The following TOP2B variants were observed in gnomAD, a reference collection of about 807,000 sequenced individuals.
The protein encoded by TOP2B is DNA topoisomerase II beta.
In TOP2B, 51 loss-of-function variants were observed where a neutral mutation model predicts 193.5. The observed-to-expected ratio is 0.26, with a 90% CI of 0.21 to 0.33. The LOEUF is 0.33. TOP2B is among the 10% of genes least tolerant of loss of function. The pLI, the probability that TOP2B is intolerant of heterozygous loss-of-function variation, is 1.00. For synonymous variants in TOP2B, 634 were observed against 635.7 expected (o/e 1.00, Z 0.04); for missense variants, 1,378 against 1,909.3 (o/e 0.72, Z 5.19).
chr3:25,662,916 T>G (rs1703959191), intron 1 of TOP2B, among the ~76,000 whole-genome samples: 1 of 152,216 alleles, frequency 6.6e-6, no homozygotes, highest in African/African-American at 2.4e-5. Flanking sequence ...CTGAAAGTCA[T>G]TATTTTGCAT....
At chr3:25,645,495 TTAAA>T in intron 1 of TOP2B, 25 bp from the exon 2 acceptor site, 1 of 1,564,336 alleles carries the variant, frequency 6.4e-7, no homozygotes. Context: ...AAAATCAAAT[TTAAA>T]TAACCTACCA....
intron 34 of TOP2B, 29 bp from the exon 35 acceptor site, chr3:25,599,558 C>T (rs964834073): frequency 6.3e-7 from 1 of 1,587,598 alleles, no homozygotes; most frequent in East Asian, 2.2e-5. Flanking sequence ...GTTTTTTCTT[C>T]CGTGGTTAAG....
At chr3:25,638,583 T>A (rs1452085640) in intron 4 of TOP2B, among the ~76,000 whole-genome samples, 1 of 151,854 alleles carries the variant, frequency 6.6e-6, no homozygotes, top group Admixed American at 6.6e-5. Context: ...CTTAAACATC[T>A]CAGGATGACA....
chr3:25,660,250 C>A (rs1474643183), intron 1 of TOP2B, among the ~76,000 whole-genome samples: 2 of 152,176 alleles, frequency 1.3e-5, no homozygotes, highest in Non-Finnish European at 2.9e-5. Context: ...TGTCAATTAT[C>A]CAATTTTTAA....
chr3:25,619,830 A>T (rs1361498618), intron 23 of TOP2B, 32 bp downstream of exon 23: 1 of 1,485,900 alleles, frequency 6.7e-7, no homozygotes, highest in South Asian at 1.1e-5. Context: ...CATGCAAGAA[A>T]GATTAAATTA....
chr3:25,609,758 T>C, intron 28 of TOP2B, 46 bp from the exon 29 acceptor site: 1 of 1,422,848 alleles, frequency 7.0e-7, no homozygotes, highest in Non-Finnish European at 9.2e-7. Context: ...AATAAAAACA[T>C]CACATATTTT....
chr3:25,643,624 G>A, intron 3 of TOP2B, 70 bp downstream of exon 3: 1 of 1,171,038 alleles, frequency 8.5e-7, no homozygotes, highest in Non-Finnish European at 1.3e-6. Flanking sequence ...GTTAAGTCTG[G>A]CTTTATATAT....
intron 1 of TOP2B, among the ~76,000 whole-genome samples, chr3:25,654,733 C>G (rs2125406792): frequency 6.6e-6 from 1 of 152,236 alleles, no homozygotes; most frequent in South Asian, 2.1e-4. Flanking sequence ...CACTGGCATA[C>G]AGACAGAAGA....
chr3:25,623,736 T>G lies in TOP2B; in HGVS notation c.2506A>C (p.Arg836=), dbSNP rs1217073345. ...YIFTMLSTLA[R]LLFPAVDDNL... is the part of the protein sequence containing the mutation. ...TCATCCACAGCAGGAAAAAGTAGCC[T>G]TGCTAAAGTGCTAATGAAAACAAAA... Residue 836 remains arginine, a synonymous_variant, in exon 21 of 36, where the codon AGG becomes CGG. Transcript: ENST00000264331. 1 of 1,610,266 alleles carries G rather than the reference T, an allele frequency of 6.2e-7. No homozygotes were observed. Among genetic ancestry groups the G allele is most frequent in the Admixed American group, 1.7e-5 (1 of 59,756 alleles).
intron 1 of TOP2B, among the ~76,000 whole-genome samples, chr3:25,662,173 T>C (rs577418193): frequency 2.2e-4 from 34 of 152,338 alleles, no homozygotes; most frequent in African/African-American, 7.2e-4. Flanking sequence ...TCATTCTCAA[T>C]GCAACCTTAT....
At chr3:25,640,577 C>CA (rs1238122254) in intron 4 of TOP2B, among the ~76,000 whole-genome samples, 1 of 151,904 alleles carries the variant, frequency 6.6e-6, no homozygotes, top group Non-Finnish European at 1.5e-5. Context: ...TCTGCCTACA[C>CA]AAAAATGTTT....
intron 35 of TOP2B, among the ~76,000 whole-genome samples, chr3:25,599,141 A>AAAAT (rs1164240233): frequency 6.6e-6 from 1 of 152,244 alleles, no homozygotes; most frequent in East Asian, 1.9e-4. Flanking sequence ...TTTAGTCTGA[A>AAAAT]AAATAATATT....
rs767320030 is a variant in TOP2B at position 25,619,850 on chromosome 3, C to T, written c.3063+12G>A. 1 of 1,549,978 alleles carries T rather than the reference C, an allele frequency of 6.5e-7. No homozygotes were observed. Among genetic ancestry groups the T allele is most frequent in the Non-Finnish European group, 8.9e-7 (1 of 1,123,756 alleles). On this transcript the variant is annotated intron_variant, in intron 23 of 35. Transcript: ENST00000264331. ...AAGAAAGATTAAATTAACAGTAAAT[C>T]TAATAAATTACCATGGAATTACAAG...
rs1702880042 is a variant in TOP2B, at chr3:25,628,884, T to C, written c.1869A>G (p.Ile623Met). Reference protein sequence around the residue: ...IPEFDEWKKHIENQKAWKIKY... With the variant: ...IPEFDEWKKHMENQKAWKIKY... ...TTATTTTCCAGGCTTTCTGGTTTTC[T>C]ATATGTTTTTTCCATTCGTCAAATT... The change falls in exon 15 of 36, where the codon ATA (isoleucine) becomes ATG (methionine). Residue 623 changes from isoleucine (I) to methionine (M), a missense_variant. By Grantham distance (10) the Ile-to-Met change is conservative. This residue lies in a region of TOP2B where 379 missense variants were observed against 615.1 expected (regional missense o/e 0.62). Transcript: ENST00000264331. The C allele has an allele frequency of 6.3e-7, 1 of 1,594,960 alleles. No homozygotes were observed. Among genetic ancestry groups the C allele is most frequent in the Non-Finnish European group, 8.5e-7 (1 of 1,173,622 alleles).
intron 7 of TOP2B, among the ~76,000 whole-genome samples, 189 bp downstream of exon 7, chr3:25,635,742 GAAGGA>G (rs1703090009): frequency 6.6e-6 from 1 of 151,936 alleles, no homozygotes; most frequent in South Asian, 2.1e-4. Context: ...ATATAACCAA[GAAGGA>G]AAGGAAAGAA....
At chr3:25,643,828 A>C in intron 2 of TOP2B, 44 bp from the exon 3 acceptor site, 2 of 1,412,110 alleles carry the variant, frequency 1.4e-6, no homozygotes, top group South Asian at 1.2e-5. Flanking sequence ...ATAAATCCTT[A>C]ATATCAATTT....
chr3:25,653,725 T>A (rs993402662), intron 1 of TOP2B, among the ~76,000 whole-genome samples: 10 of 152,164 alleles, frequency 6.6e-5, no homozygotes, highest in Non-Finnish European at 1.5e-4. Context: ...CCACCATGCC[T>A]GACCCAACAG....
chr3:25,630,792 C>A lies in TOP2B; in HGVS notation c.1405+9G>T. On this transcript the variant is annotated intron_variant, in intron 11 of 35. Coordinates refer to ENST00000264331, the MANE Select transcript of TOP2B (RefSeq NM_001330700.2). ...AAATCAAAATCTTATTTAAAAATAT[C>A]AATCTTACCAGCATCATTAGCATCA... 1 of 1,522,746 alleles carries A rather than the reference C, an allele frequency of 6.6e-7. No individual in the cohort carries two copies. The highest frequency in any genetic ancestry group is 8.7e-7 in the Non-Finnish European group (1 of 1,143,684). 94.3% of individuals were successfully genotyped at this position (1,522,746 alleles called of 1,614,324 possible).
In TOP2B at chr3:25,609,624, G is replaced by A. The variant is rs775137220; in HGVS notation, c.3875C>T (p.Thr1292Ile). The stretch of plus-strand genomic sequence containing the variant: ...ACCTTTATTTATAGGAACTGATGGA[G>A]TCAATGCCTCTTCTCCTGCACCTTC... Reference protein sequence around the residue: ...PVEGAGEEALTPSVPINKGPK... With the variant: ...PVEGAGEEALIPSVPINKGPK... The change falls in exon 29 of 36, where the codon ACT (threonine) becomes ATT (isoleucine). Residue 1292 changes from threonine to isoleucine, a missense_variant. By Grantham distance (89) the Thr-to-Ile change is moderately conservative. Around this residue, in one of 9 missense-constraint regions of TOP2B, gnomAD observed 556 missense variants for 584.2 expected, o/e 0.95. Transcript: ENST00000264331. 1.3e-6 allele frequency: 2 copies of A among 1,589,572 alleles called. No homozygotes were observed. The highest frequency in any genetic ancestry group is 2.2e-5 in the East Asian group (1 of 44,478).
Sources: allele counts gnomAD v4.1 joint callset (sites outside exome capture counted in the v4.1 genomes callset), GRCh38; gene constraint gnomAD v4.1.1; regional missense constraint gnomAD v4.1.1; transcripts MANE v1.5; gene names NCBI Gene and HGNC (gene_info 2026-07-23, HGNC 2026-07-21).